Variants in EBF2 observed in about 807,000 individuals in gnomAD.
The protein encoded by EBF2 is EBF transcription factor 2.
In EBF2, 21 loss-of-function variants were observed where a neutral mutation model predicts 72.8. That is an observed-to-expected ratio of 0.29 (90% CI 0.20 to 0.42). The LOEUF is 0.42. Among genes scored for constraint, EBF2 ranks in the 10% least tolerant of loss-of-function variants. The probability of loss-of-function intolerance (pLI) is 1.00; values close to 1 mark genes in which losing one functional copy is unlikely to be tolerated. For missense variants in EBF2, 637 were observed against 731.2 expected, an observed-to-expected ratio of 0.87 and a Z score of 1.49; for synonymous variants, 299 against 274.2, an observed-to-expected ratio of 1.09 and a Z score of -0.89.
In EBF2 at chr8:26,042,269, C is replaced by T. The variant is rs1563217564; in HGVS notation, c.132-18G>A. 6.2e-7 allele frequency: 1 copy of T among 1,605,568 alleles called. No individual in the cohort carries two copies. The highest frequency in any genetic ancestry group is 1.7e-5 in the Admixed American group (1 of 58,186). On this transcript the variant is annotated intron_variant, in intron 1 of 15. Transcript: ENST00000520164. ...CGACCCCGCTGCACAGGGAGAAAAA[C>T]GGGGGAACACAAGACACGGGGAAGC...
chr8:25,857,554 A>G (rs1275042043), intron 14 of EBF2, among the ~76,000 whole-genome samples: 3 of 152,132 alleles, frequency 2.0e-5, no homozygotes, highest in Admixed American at 2.0e-4. Context: ...CTGGCCTAAA[A>G]TATTCCCTAG....
intron 6 of EBF2, among the ~76,000 whole-genome samples, chr8:26,009,690 A>G (rs983223374): frequency 9.9e-5 from 15 of 152,218 alleles, no homozygotes; most frequent in African/African-American, 3.6e-4. Context: ...TCGCATGCCA[A>G]TAACAGCTGG....
At chr8:25,847,870 C>T (rs759825765) in intron 15 of EBF2, among the ~76,000 whole-genome samples, 9 of 152,004 alleles carry the variant, frequency 5.9e-5, no homozygotes, top group Admixed American at 2.0e-4. Context: ...TTTTCCTCCC[C>T]GACCTACTCC....
chr8:25,862,761 C>T lies in EBF2; in HGVS notation c.1046G>A (p.Arg349Lys). 1 of 1,605,996 alleles carries T rather than the reference C, an allele frequency of 6.2e-7. No homozygotes were observed. The highest frequency in any genetic ancestry group is 8.5e-7 in the Non-Finnish European group (1 of 1,175,486). Reference protein sequence around the residue: ...NEPTIDYGFQRLQKVIPRHPG... With the variant: ...NEPTIDYGFQKLQKVIPRHPG... ...ATGCCTAGGGATGACCTTCTGCAGT[C>T]TCTGGAAGCCATAGTCTATGGTGGG... Residue 349 changes from arginine to lysine, a missense_variant, in exon 11 of 16, where the codon AGA becomes AAA. Coordinates refer to ENST00000520164, the MANE Select transcript of EBF2 (RefSeq NM_022659.4).
intron 6 of EBF2, among the ~76,000 whole-genome samples, chr8:26,030,797 A>G (rs1325237310): frequency 6.6e-6 from 1 of 152,240 alleles, no homozygotes; most frequent in Admixed American, 6.5e-5. Flanking sequence ...CCACAGTCAC[A>G]TAAAACTCAT....
intron 14 of EBF2, among the ~76,000 whole-genome samples, chr8:25,857,880 T>C (rs546513529): frequency 6.6e-6 from 1 of 152,356 alleles, no homozygotes; most frequent in Non-Finnish European, 1.5e-5. Context: ...ATTCTAGCTA[T>C]GTGATCTTGA....
intron 14 of EBF2, among the ~76,000 whole-genome samples, chr8:25,857,193 T>G (rs762085438): frequency 7.9e-5 from 12 of 152,132 alleles, no homozygotes; most frequent in Non-Finnish European, 1.3e-4. Flanking sequence ...AAGAAGATTT[T>G]CATTGCACTA....
At position 25,886,845 on chromosome 8, in the gene EBF2, G is replaced by C; in HGVS notation, c.919C>G (p.Pro307Ala). Residue 307 changes from proline to alanine, a missense_variant, in exon 10 of 16, where the codon CCC becomes GCC. Pro to Ala is a conservative substitution (Grantham distance 27). Transcript: ENST00000520164. ...TPHAIRVQTP[P>A]RHIPGVVEVT... Reference sequence around the variant, plus strand: ...TCTACCACGCCTGGGATGTGCCGGGGAGGAGTCTGTACTCTGATGGCATGA... The same window carrying C: ...TCTACCACGCCTGGGATGTGCCGGGCAGGAGTCTGTACTCTGATGGCATGA... 1 of 1,613,436 alleles carries C rather than the reference G, an allele frequency of 6.2e-7. No homozygotes were observed. Among genetic ancestry groups the C allele is most frequent in the Non-Finnish European group, 8.5e-7 (1 of 1,179,650 alleles).
At chr8:25,944,942 T>C (rs1803741122) in intron 6 of EBF2, among the ~76,000 whole-genome samples, 1 of 152,080 alleles carries the variant, frequency 6.6e-6, no homozygotes, top group Non-Finnish European at 1.5e-5. Flanking sequence ...TGTTCAGGAC[T>C]GCTCTTGACA....
At chr8:25,941,545 C>T (rs537407506) in intron 6 of EBF2, among the ~76,000 whole-genome samples, 11 of 152,114 alleles carry the variant, frequency 7.2e-5, no homozygotes, top group Non-Finnish European at 1.5e-4. Context: ...CCGTCTGACT[C>T]TTTTTGGGGA....
At position 26,044,627 on chromosome 8, in the gene EBF2, A is replaced by T; in HGVS notation, c.131+102T>A. On this transcript the variant is annotated intron_variant, in intron 1 of 15. Coordinates refer to ENST00000520164, the MANE Select transcript of EBF2 (RefSeq NM_022659.4). The surrounding 1 kb of genome is among the most constrained non-coding windows in gnomAD (Gnocchi z 4.1). Reference sequence around the variant, plus strand: ...CAGGGCCTGGGCGACAGATGGGGGGACAGGGAGAGAGAAAGGCACGGGGTG... The same window carrying T: ...CAGGGCCTGGGCGACAGATGGGGGGTCAGGGAGAGAGAAAGGCACGGGGTG... The T allele has an allele frequency of 6.7e-7, 1 of 1,490,630 alleles. No homozygotes were observed. The highest frequency in any genetic ancestry group is 1.9e-5 in the Admixed American group (1 of 52,590). 92.3% of individuals were successfully genotyped at this position (1,490,630 alleles called of 1,614,324 possible). A position where few individuals can be genotyped will look rare whatever the true frequency, so the allele number is the denominator to read the frequency against.
intron 10 of EBF2, among the ~76,000 whole-genome samples, chr8:25,877,057 C>T (rs1802533354): frequency 6.6e-6 from 1 of 152,214 alleles, no homozygotes; most frequent in Non-Finnish European, 1.5e-5. Context: ...AAGCTGTGCT[C>T]ATTTACCCCC....
chr8:26,043,575 C>T (rs1805646060), intron 1 of EBF2, among the ~76,000 whole-genome samples: 1 of 152,206 alleles, frequency 6.6e-6, no homozygotes, highest in African/African-American at 2.4e-5. Context: ...ATCCGCGCTC[C>T]CCGGGCCACA....
At chr8:25,918,350 T>C (rs2117131610) in intron 6 of EBF2, among the ~76,000 whole-genome samples, 1 of 152,312 alleles carries the variant, frequency 6.6e-6, no homozygotes. Flanking sequence ...GTTAGCATCA[T>C]TAAACTAAAA....
chr8:26,015,102 C>G (rs913649190), intron 6 of EBF2, among the ~76,000 whole-genome samples: 1 of 152,062 alleles, frequency 6.6e-6, no homozygotes, highest in Non-Finnish European at 1.5e-5. Context: ...TGTGGACCCC[C>G]GATAGAAACT....
intron 6 of EBF2, among the ~76,000 whole-genome samples, chr8:25,946,952 C>A (rs552065718): frequency 2.0e-5 from 3 of 152,274 alleles, no homozygotes; most frequent in African/African-American, 7.2e-5. Flanking sequence ...CAGCTAAATT[C>A]TACTTATTTA....
intron 6 of EBF2, among the ~76,000 whole-genome samples, chr8:25,970,980 A>G (rs1257268058): frequency 2.0e-5 from 3 of 152,064 alleles, no homozygotes; most frequent in Non-Finnish European, 4.4e-5. Context: ...CTACAGGCAC[A>G]TGCCACCATG....
chr8:25,885,367 A>T (rs1207075326), intron 10 of EBF2, among the ~76,000 whole-genome samples: 3 of 152,144 alleles, frequency 2.0e-5, no homozygotes, highest in African/African-American at 4.8e-5. Flanking sequence ...TGTCTTGCAA[A>T]ACTGAATCTC....
intron 6 of EBF2, among the ~76,000 whole-genome samples, chr8:25,976,470 C>T (rs1434215561): frequency 1.3e-5 from 2 of 152,154 alleles, no homozygotes; most frequent in Non-Finnish European, 2.9e-5. Flanking sequence ...GAAAATGACA[C>T]AGAGTTGGGC....
Sources: allele counts gnomAD v4.1 joint callset (sites outside exome capture counted in the v4.1 genomes callset), GRCh38; gene constraint gnomAD v4.1.1; non-coding constraint Gnocchi (gnomAD v3.1); transcripts MANE v1.5; gene names NCBI Gene and HGNC (gene_info 2026-07-23, HGNC 2026-07-21).